KSR2: variants seen among roughly 807,000 people sequenced by gnomAD.
KSR2 encodes kinase suppressor of ras 2.
A neutral mutation model predicts 107.8 loss-of-function variants in KSR2; 25 were observed. That is an observed-to-expected ratio of 0.23 (90% CI 0.17 to 0.32). The LOEUF (loss-of-function observed/expected upper bound fraction) is 0.32. Among genes scored for constraint, KSR2 ranks in the 10% least tolerant of loss-of-function variants. The pLI is 1.00. For missense variants in KSR2, 887 were observed against 1,268.9 expected, an observed-to-expected ratio of 0.70 and a Z score of 4.57; for synonymous variants, 480 against 507.0, an observed-to-expected ratio of 0.95 and a Z score of 0.71.
intron 1 of KSR2, among the ~76,000 whole-genome samples, chr12:117,860,821 C>T (rs546969001): frequency 4.1e-4 from 62 of 152,278 alleles, no homozygotes; most frequent in African/African-American, 1.4e-3. Context: ...CAAGTTCAAG[C>T]AATTCTCCGG....
At chr12:117,698,107 T>G (rs1886147049) in intron 4 of KSR2, among the ~76,000 whole-genome samples, 1 of 152,160 alleles carries the variant, frequency 6.6e-6, no homozygotes, top group African/African-American at 2.4e-5. Flanking sequence ...CAGATTCTTT[T>G]TCCAGCCCTC....
intron 1 of KSR2, among the ~76,000 whole-genome samples, chr12:117,862,105 A>G (rs918952144): frequency 1.3e-5 from 2 of 149,746 alleles, no homozygotes; most frequent in African/African-American, 4.9e-5. Context: ...TCCGTTGCCC[A>G]GGCTGGAGTG....
intron 1 of KSR2, among the ~76,000 whole-genome samples, chr12:117,875,775 T>G (rs1401494219): frequency 6.6e-6 from 1 of 152,150 alleles, no homozygotes; most frequent in Non-Finnish European, 1.5e-5. Context: ...AATGCCACCA[T>G]CACGCCGCCC....
chr12:117,937,620 C>A (rs899591031), intron 1 of KSR2, among the ~76,000 whole-genome samples: 7 of 151,848 alleles, frequency 4.6e-5, no homozygotes, highest in African/African-American at 1.2e-4. Flanking sequence ...CGCAAAGGAA[C>A]CCAGTTTAAA....
chr12:117,786,765 G>A (rs922712569), intron 3 of KSR2, among the ~76,000 whole-genome samples: 5 of 152,084 alleles, frequency 3.3e-5, no homozygotes, highest in Non-Finnish European at 7.4e-5. Flanking sequence ...GCAGTGAAAC[G>A]AGATCGCACC....
At chr12:117,933,504 A>C (rs1015494441) in intron 1 of KSR2, among the ~76,000 whole-genome samples, 1 of 151,978 alleles carries the variant, frequency 6.6e-6, no homozygotes, top group Non-Finnish European at 1.5e-5. Context: ...CTATAGGAGA[A>C]TGGCATGAAC....
At chr12:117,581,034 T>C (rs2136240473) in intron 6 of KSR2, among the ~76,000 whole-genome samples, 1 of 152,350 alleles carries the variant, frequency 6.6e-6, no homozygotes, top group South Asian at 2.1e-4. Flanking sequence ...CCCTTGTCTT[T>C]GATGCCTTTC....
intron 14 of KSR2, among the ~76,000 whole-genome samples, chr12:117,503,342 A>C (rs1873493008): frequency 6.6e-6 from 1 of 152,128 alleles, no homozygotes; most frequent in African/African-American, 2.4e-5. Context: ...TGTTGCTCCT[A>C]GGCACTCAGG....
intron 18 of KSR2, 117 bp downstream of exon 18, chr12:117,471,074 T>G (rs1377314766): frequency 7.8e-7 from 1 of 1,275,666 alleles, no homozygotes; most frequent in Non-Finnish European, 1.1e-6. Context: ...GAATGCATAT[T>G]TTTTTGGTCA....
chr12:117,744,878 C>A (rs1032829255), intron 4 of KSR2, among the ~76,000 whole-genome samples: 2 of 152,162 alleles, frequency 1.3e-5, no homozygotes, highest in Non-Finnish European at 2.9e-5. Context: ...AGAAACCTAC[C>A]AGTAACCAAG....
intron 3 of KSR2, among the ~76,000 whole-genome samples, chr12:117,851,872 CAG>C (rs1438501929): frequency 6.8e-6 from 1 of 147,920 alleles, no homozygotes; most frequent in Non-Finnish European, 1.5e-5. Flanking sequence ...GCCTGGGCGA[CAG>C]AGAGACTCCA....
chr12:117,725,528 A>C (rs944082514), intron 4 of KSR2, among the ~76,000 whole-genome samples: 4 of 152,254 alleles, frequency 2.6e-5, no homozygotes, highest in African/African-American at 9.6e-5. Flanking sequence ...ATATGCAAAA[A>C]TTAATGTGAG....
chr12:117,679,179 C>A (rs528540286), intron 4 of KSR2, among the ~76,000 whole-genome samples: 1 of 152,164 alleles, frequency 6.6e-6, no homozygotes, highest in Non-Finnish European at 1.5e-5. Context: ...CAAGTCTGAG[C>A]GCCCTTGAAG....
rs188330721 is a variant in KSR2, at chr12:117,531,067, G to C, written c.1730-54C>G. ...AAAAAATGTGAAGTCCACAACCCCC[G>C]CAAAGGCCTGATTCCTGGGCGACAT... is the stretch of plus-strand genomic sequence containing the variant. On this transcript the variant is annotated intron_variant, in intron 11 of 19. Coordinates refer to ENST00000339824, the MANE Select transcript of KSR2 (RefSeq NM_173598.6). The C allele has an allele frequency of 1.2e-4, 173 of 1,431,064 alleles. No homozygotes were observed. The African/African-American group carries it at 1.8e-3, about 15-fold the overall frequency. 88.6% of individuals were successfully genotyped at this position (1,431,064 alleles called of 1,614,324 possible). A position where few individuals can be genotyped will look rare whatever the true frequency, so the allele number is the denominator to read the frequency against.
At chr12:117,490,758 C>A (rs1872702601) in intron 14 of KSR2, among the ~76,000 whole-genome samples, 1 of 152,116 alleles carries the variant, frequency 6.6e-6, no homozygotes, top group Admixed American at 6.5e-5. Flanking sequence ...GTATCAATCT[C>A]ATTTTATAGA....
intron 4 of KSR2, among the ~76,000 whole-genome samples, chr12:117,713,723 ACTCTCTC>A (rs776678400): frequency 6.6e-6 from 1 of 152,088 alleles, no homozygotes; most frequent in Non-Finnish European, 1.5e-5. Flanking sequence ...CTGTCCTCTC[ACTCTCTC>A]CTCTCTCCTG....
chr12:117,477,746 C>T (rs1221672211), intron 16 of KSR2, among the ~76,000 whole-genome samples: 1 of 152,218 alleles, frequency 6.6e-6, no homozygotes, highest in East Asian at 1.9e-4. Flanking sequence ...GTAATTGGAA[C>T]ACATCATCCC....
chr12:117,619,057 C>T (rs571588435), intron 5 of KSR2, among the ~76,000 whole-genome samples: 5 of 152,110 alleles, frequency 3.3e-5, no homozygotes, highest in Non-Finnish European at 7.4e-5. Flanking sequence ...GACACAGATC[C>T]AAAGATAACT....
At chr12:117,888,950 A>C (rs999748199) in intron 1 of KSR2, among the ~76,000 whole-genome samples, 3 of 152,178 alleles carry the variant, frequency 2.0e-5, no homozygotes, top group African/African-American at 7.2e-5. Flanking sequence ...CTGAACTGTA[A>C]ACTCAAAAAT....
Sources: gnomAD v4.1 joint callset for allele counts (sites outside exome capture counted in the v4.1 genomes callset) on GRCh38, gnomAD v4.1.1 for gene constraint, MANE v1.5 for transcripts, NCBI Gene and HGNC (gene_info 2026-07-23, HGNC 2026-07-21) for gene names.